Variants in ARL10 observed in about 807,000 individuals in gnomAD.
The protein encoded by ARL10 is ADP-ribosylation factor-like protein 10.
ARL10 carries 23 observed loss-of-function variants against 26.1 expected under a neutral mutation model. The observed-to-expected ratio is 0.88, with a 90% CI of 0.63 to 1.25. ARL10 has a LOEUF of 1.25. Among genes scored for constraint, ARL10 ranks in the 50% most tolerant of loss-of-function variants. The pLI is 0.00. For synonymous variants in ARL10, 138 were observed against 149.1 expected, an observed-to-expected ratio of 0.93 and a Z score of 0.54; for missense variants, 300 against 323.6, an observed-to-expected ratio of 0.93 and a Z score of 0.56.
rs983122199 is a variant in ARL10, at chr5:176,378,577, A to G, written c.*6682A>G. 2 of 152,224 alleles carry G rather than the reference A, an allele frequency of 1.3e-5. No individual in the cohort carries two copies. The highest frequency in any genetic ancestry group is 2.4e-5 in the African/African-American group (1 of 41,450). 9.4% of individuals were successfully genotyped at this position (152,224 alleles called of 1,614,324 possible). A position where few individuals can be genotyped will look rare whatever the true frequency, so the allele number is the denominator to read the frequency against. ...ATAGCATGTCTGCTATGTATATAGC[A>G]TTTTCTGATTTCCCTTTAGCTATAT... On this transcript the variant is annotated 3_prime_UTR_variant, in exon 4 of 4. Transcript: ENST00000310389.
downstream of ARL10, among the ~76,000 whole-genome samples, chr5:176,390,155 C>T (rs2113610488): frequency 7.5e-6 from 1 of 133,372 alleles, no homozygotes; most frequent in East Asian, 2.1e-4. Context: ...GCACTTCAGC[C>T]TGGGCAACAA....
At chr5:176,407,215 T>C in the ARL10 span, among the ~76,000 whole-genome samples, 1 of 152,184 alleles carries the variant, frequency 6.6e-6, no homozygotes, top group East Asian at 1.9e-4. Context: ...AAGTGGCTGA[T>C]TTCCTGGGTG....
rs1384194155 is a variant in ARL10 at position 176,368,688 on chromosome 5, G to A, written c.386-119G>A. ...GGGGTGGGGGCTGTGGGCAGTGAGC[G>A]GGGGCCCGGGGTGGGGTGGGGGCTG... On this transcript the variant is annotated intron_variant, in intron 2 of 3. Coordinates refer to ENST00000310389, the MANE Select transcript of ARL10 (RefSeq NM_173664.6). This position sits in a 1 kb window ranked among gnomAD's most constrained non-coding sequence, Gnocchi z 4.1. The A allele has an allele frequency of 2.4e-5, 29 of 1,223,364 alleles. No homozygotes were observed. The Admixed American group carries it at 4.1e-4, about 17-fold the overall frequency. The allele number at this position is 1,223,364 out of a possible 1,614,324, so 75.8% of individuals were successfully genotyped here.
chr5:176,404,208 C>T (rs997698457), downstream of ARL10, among the ~76,000 whole-genome samples: 14 of 152,302 alleles, frequency 9.2e-5, no homozygotes, highest in East Asian at 1.9e-4. Context: ...ACTTCTGTGA[C>T]GCATAGTTTG....
At chr5:176,390,182 C>CAAAAAAAAAAA (rs60632467), downstream of ARL10, among the ~76,000 whole-genome samples, 2 of 65,238 alleles carry the variant, frequency 3.1e-5, no homozygotes, top group South Asian at 5.8e-4. Flanking sequence ...AACTCCATCT[C>CAAAAAAAAAAA]AAAAAAAAAA....
chr5:176,410,238 G>A, the ARL10 span: 1 of 1,612,812 alleles, frequency 6.2e-7, no homozygotes. Flanking sequence ...TACCACTGCT[G>A]AGACAGAGCC....
At chr5:176,386,438 T>A (rs1755850050), downstream of ARL10, 1 of 309,214 alleles carries the variant, frequency 3.2e-6, no homozygotes, top group African/African-American at 2.2e-5. Flanking sequence ...CTCCTCCGTT[T>A]TAGCGTTCAC....
chr5:176,389,058 G>A (rs1756143297), downstream of ARL10: 3 of 1,524,486 alleles, frequency 2.0e-6, no homozygotes, highest in South Asian at 2.3e-5. Context: ...GCGCTAGCGG[G>A]GAGCGGAAGG....
chr5:176,387,295 G>C (rs1755942653), intron 1 of ARL10, among the ~76,000 whole-genome samples: 1 of 152,156 alleles, frequency 6.6e-6, no homozygotes, highest in Non-Finnish European at 1.5e-5. Context: ...GGCCAGGCCG[G>C]TCTCAAACTC....
At position 176,376,380 on chromosome 5, in the gene ARL10, A is replaced by AT. The variant is rs398000007; in HGVS notation, c.*4485_*4486insT. On this transcript the variant is annotated 3_prime_UTR_variant, in exon 4 of 4. Transcript: ENST00000310389. ...CCGTCTCAAAAAAAAAAAAAAAAAA[A>AT]GGTTAGCATTCCACTCTTCCTTTGG... 4.0e-5 allele frequency: 6 copies of AT among 150,858 alleles called. No homozygotes were observed. The highest frequency in any genetic ancestry group is 7.4e-5 in the Non-Finnish European group (5 of 67,684). The allele number at this position is 150,858 out of a possible 1,614,324, so 9.3% of individuals were successfully genotyped here.
chr5:176,377,689 T>G lies in ARL10; in HGVS notation c.*5794T>G, dbSNP rs1025085835. On this transcript the variant is annotated 3_prime_UTR_variant, in exon 4 of 4. Transcript: ENST00000310389. This position sits in a 1 kb window ranked among gnomAD's most constrained non-coding sequence, Gnocchi z 4.5. Reference sequence around the variant, plus strand: ...ATATTGGTTATAACCCATTTCAGCATTTTACAGTGGTCACACTATCAGTAT... The same window carrying G: ...ATATTGGTTATAACCCATTTCAGCAGTTTACAGTGGTCACACTATCAGTAT... 1 of 152,222 alleles carries G rather than the reference T, an allele frequency of 6.6e-6. No homozygotes were observed. 9.4% of individuals were successfully genotyped at this position (152,222 alleles called of 1,614,324 possible). A position where few individuals can be genotyped will look rare whatever the true frequency, so the allele number is the denominator to read the frequency against.
rs2113561864 is a variant in ARL10, at chr5:176,376,377, A to AAG, written c.*4483_*4484insGA. On this transcript the variant is annotated 3_prime_UTR_variant, in exon 4 of 4. Transcript: ENST00000310389. ...ACTCCGTCTCAAAAAAAAAAAAAAA[A>AAG]AAAGGTTAGCATTCCACTCTTCCTT... 1 of 151,960 alleles carries AAG rather than the reference A, an allele frequency of 6.6e-6. No individual in the cohort carries two copies. The highest frequency in any genetic ancestry group is 2.1e-4 in the South Asian group (1 of 4,808). 9.4% of individuals were successfully genotyped at this position (151,960 alleles called of 1,614,324 possible). A position where few individuals can be genotyped will look rare whatever the true frequency, so the allele number is the denominator to read the frequency against.
intron 2 of ARL10, chr5:176,367,967 C>T: frequency 3.8e-6 from 2 of 530,922 alleles, no homozygotes; most frequent in South Asian, 1.4e-5. Flanking sequence ...GTGCTTGGCA[C>T]CTAGCAAGCA....
the ARL10 span, among the ~76,000 whole-genome samples, chr5:176,407,907 A>G: frequency 2.0e-5 from 3 of 152,146 alleles, no homozygotes; most frequent in East Asian, 5.8e-4. Flanking sequence ...TCCCTCTTAC[A>G]TAAGAAAATA....
downstream of ARL10, among the ~76,000 whole-genome samples, chr5:176,403,164 C>T (rs1415380340): frequency 6.7e-6 from 1 of 150,300 alleles, no homozygotes; most frequent in Non-Finnish European, 1.5e-5. Context: ...ATTCTCCTGC[C>T]TCTGCCTCCC....
chr5:176,383,958 G>T (rs753195141), downstream of ARL10: 26 of 1,497,296 alleles, frequency 1.7e-5, no homozygotes, highest in South Asian at 2.4e-4. Context: ...AAATATATTT[G>T]CTTTATTATG....
At chr5:176,406,635 T>A (rs1370354358), downstream of ARL10, 1 of 1,289,330 alleles carries the variant, frequency 7.8e-7, no homozygotes, top group Non-Finnish European at 1.0e-6. Flanking sequence ...GGAACTGGAA[T>A]AGTTGTGGGC....
At chr5:176,385,189 C>A, downstream of ARL10, 1 of 1,334,746 alleles carries the variant, frequency 7.5e-7, no homozygotes, top group African/African-American at 1.4e-5. Flanking sequence ...AGGGCGCCTT[C>A]CCAGCCAGCC....
At chr5:176,371,157 C>T (rs964703387) in intron 3 of ARL10, among the ~76,000 whole-genome samples, 3 of 152,052 alleles carry the variant, frequency 2.0e-5, no homozygotes, top group Non-Finnish European at 4.4e-5. Flanking sequence ...GGTGGATCAC[C>T]TGAGGTCAGG....
Sources: allele counts gnomAD v4.1 joint callset (sites outside exome capture counted in the v4.1 genomes callset), GRCh38; gene constraint gnomAD v4.1.1; non-coding constraint Gnocchi (gnomAD v3.1); transcripts MANE v1.5; gene names NCBI Gene and HGNC (gene_info 2026-07-23, HGNC 2026-07-21).